Variants in RBFOX1 observed in about 807,000 individuals in gnomAD.
RBFOX1 encodes RNA binding protein fox-1 homolog 1.
RBFOX1 carries 8 observed loss-of-function variants against 57.7 expected under a neutral mutation model. The ratio of observed to expected loss-of-function variants is 0.14; its 90% CI spans 0.08 to 0.25. The LOEUF (loss-of-function observed/expected upper bound fraction) is 0.25, where lower values mean the gene tolerates loss of function less well. RBFOX1 is among the 10% of genes least tolerant of loss of function. RBFOX1 has a pLI of 1.00. For synonymous variants in RBFOX1, 326 were observed against 222.4 expected, an observed-to-expected ratio of 1.47 and a Z score of -4.15; for missense variants, 611 against 548.5, an observed-to-expected ratio of 1.11 and a Z score of -1.14.
At chr16:7,261,127 C>T (rs1458617300) in intron 4 of RBFOX1, among the ~76,000 whole-genome samples, 1 of 150,970 alleles carries the variant, frequency 6.6e-6, no homozygotes, top group African/African-American at 2.5e-5. Context: ...CTCTGTAGGA[C>T]ACATATCCAA....
intron 4 of RBFOX1, among the ~76,000 whole-genome samples, chr16:7,475,114 T>C (rs1242109661): frequency 6.6e-6 from 1 of 152,160 alleles, no homozygotes; most frequent in African/African-American, 2.4e-5. Context: ...GCCTCTTTCA[T>C]GGCCCCGAGC....
chr16:7,171,144 C>T (rs1311955572), intron 4 of RBFOX1, among the ~76,000 whole-genome samples: 1 of 152,202 alleles, frequency 6.6e-6, no homozygotes, highest in Admixed American at 6.5e-5. Flanking sequence ...CAAGGCCTTA[C>T]TTGCCACCAT....
intron 2 of RBFOX1, among the ~76,000 whole-genome samples, chr16:6,470,785 GTTTTTATCC>G (rs2095156193): frequency 6.6e-6 from 1 of 152,002 alleles, no homozygotes; most frequent in Non-Finnish European, 1.5e-5. Context: ...TTTTACACTT[GTTTTTATCC>G]TTTTTTTAAC....
At chr16:5,312,782 A>G (rs1257897640) in intron 1 of RBFOX1, among the ~76,000 whole-genome samples, 1 of 152,190 alleles carries the variant, frequency 6.6e-6, no homozygotes, top group Admixed American at 6.5e-5. Context: ...CTGCAGATGC[A>G]TGAGGGACCT....
intron 1 of RBFOX1, among the ~76,000 whole-genome samples, chr16:5,241,204 G>A (rs753128731): frequency 5.9e-5 from 9 of 152,258 alleles, no homozygotes; most frequent in South Asian, 2.1e-4. Context: ...TGTGTGGGAG[G>A]CTTGCTCCTG....
At chr16:5,620,853 A>G (rs1171536680) in intron 3 of RBFOX1, among the ~76,000 whole-genome samples, 2 of 151,664 alleles carry the variant, frequency 1.3e-5, no homozygotes, top group Non-Finnish European at 2.9e-5. Context: ...TTTTATTTGT[A>G]TTTTTTTGAG....
intron 4 of RBFOX1, among the ~76,000 whole-genome samples, chr16:7,515,624 G>A (rs748734996): frequency 6.6e-6 from 1 of 152,114 alleles, no homozygotes; most frequent in Non-Finnish European, 1.5e-5. Context: ...TATGTTAATG[G>A]TATCTTAGTA....
At chr16:7,018,438 C>G (rs1472206745) in intron 3 of RBFOX1, among the ~76,000 whole-genome samples, 1 of 152,124 alleles carries the variant, frequency 6.6e-6, no homozygotes, top group Non-Finnish European at 1.5e-5. Context: ...GTCTTAATTG[C>G]TCCTGTTTTT....
At chr16:7,090,007 T>C (rs1334900743) in intron 4 of RBFOX1, among the ~76,000 whole-genome samples, 1 of 152,134 alleles carries the variant, frequency 6.6e-6, no homozygotes, top group Non-Finnish European at 1.5e-5. Context: ...CACTGTGAGG[T>C]TGGAGGGGTT....
intron 3 of RBFOX1, among the ~76,000 whole-genome samples, chr16:6,792,021 A>C (rs2083062065): frequency 6.6e-6 from 1 of 152,194 alleles, no homozygotes; most frequent in African/African-American, 2.4e-5. Flanking sequence ...TTCCTACTTG[A>C]AAAATGAAAG....
Position 5,729,614 on chromosome 16 carries a change from A to G in RBFOX1, c.318+130653A>G, listed in dbSNP as rs530047568. 6.2e-4 allele frequency among the ~76,000 whole-genome samples: 95 copies of G among 152,132 alleles called. No individual in the cohort carries two copies. The South Asian group carries it at 0.018, about 29-fold the overall frequency. ...ACCCAAGATAATTTGCATCTTTACT[A>G]AGCTCACCTGTATCTCTTCCACTAA... On this transcript the variant is annotated intron_variant, in intron 3 of 19. Transcript: ENST00000641259.
chr16:7,505,175 G>A (rs947546841), intron 4 of RBFOX1, among the ~76,000 whole-genome samples: 4 of 150,612 alleles, frequency 2.7e-5, no homozygotes, highest in African/African-American at 4.9e-5. Context: ...TTGTACATGT[G>A]TGTGTGTGCT....
intron 4 of RBFOX1, among the ~76,000 whole-genome samples, chr16:5,871,102 T>A (rs956686363): frequency 3.9e-5 from 6 of 152,218 alleles, no homozygotes; most frequent in Non-Finnish European, 8.8e-5. Flanking sequence ...CCAATAAATT[T>A]TCATGGCATA....
At chr16:6,723,263 T>C (rs536913804) in intron 3 of RBFOX1, among the ~76,000 whole-genome samples, 2 of 152,358 alleles carry the variant, frequency 1.3e-5, no homozygotes, top group South Asian at 4.1e-4. Flanking sequence ...AGCAGTTTCT[T>C]CGTGTTTCTT....
At chr16:6,878,192 T>C (rs1217008707) in intron 3 of RBFOX1, among the ~76,000 whole-genome samples, 1 of 152,176 alleles carries the variant, frequency 6.6e-6, no homozygotes, top group African/African-American at 2.4e-5. Flanking sequence ...CAATATATTG[T>C]ATGGTCACCA....
chr16:7,110,358 C>G (rs1013867450), intron 4 of RBFOX1, among the ~76,000 whole-genome samples: 1 of 151,318 alleles, frequency 6.6e-6, no homozygotes, highest in African/African-American at 2.4e-5. Context: ...AAGATCCTGA[C>G]TCTTAAAAAA....
chr16:5,941,834 G>C (rs1213906173), intron 4 of RBFOX1, among the ~76,000 whole-genome samples: 1 of 152,008 alleles, frequency 6.6e-6, no homozygotes, highest in Non-Finnish European at 1.5e-5. Context: ...AGACAAGAGA[G>C]CCAGCGTTAG....
intron 1 of RBFOX1, among the ~76,000 whole-genome samples, chr16:5,330,415 T>G (rs554022441): frequency 1.8e-4 from 27 of 152,272 alleles, no homozygotes; most frequent in South Asian, 6.2e-4. Flanking sequence ...AAAGAAAATT[T>G]TTTTTGAGAC....
chr16:6,956,760 G>T (rs141267371), intron 3 of RBFOX1, among the ~76,000 whole-genome samples: 2 of 152,206 alleles, frequency 1.3e-5, no homozygotes, highest in Non-Finnish European at 2.9e-5. Flanking sequence ...GTTTGACCAG[G>T]CACAGATGGG....
Sources: gnomAD v4.1 joint callset for allele counts (sites outside exome capture counted in the v4.1 genomes callset) on GRCh38, gnomAD v4.1.1 for gene constraint, MANE v1.5 for transcripts, NCBI Gene and HGNC (gene_info 2026-07-23, HGNC 2026-07-21) for gene names.